Variants in TRABD2B observed in about 807,000 individuals in gnomAD.
TRABD2B encodes TraB domain containing 2B.
In TRABD2B, 14 loss-of-function variants were observed where a neutral mutation model predicts 40.1. The observed-to-expected ratio is 0.35, with a 90% confidence interval of 0.23 to 0.55. The LOEUF (loss-of-function observed/expected upper bound fraction) is 0.55. TRABD2B is among the 20% of genes least tolerant of loss of function. TRABD2B has a pLI of 0.90. For missense variants in TRABD2B, 541 were observed against 648.6 expected (o/e 0.83, Z 1.80); for synonymous variants, 263 against 277.0 (o/e 0.95, Z 0.50).
intron 2 of TRABD2B, among the ~76,000 whole-genome samples, chr1:47,984,862 C>CCTCT (rs1553172557): frequency 6.6e-6 from 1 of 151,632 alleles, no homozygotes; most frequent in Non-Finnish European, 1.5e-5. Context: ...GATGCTGTGT[C>CCTCT]CCCTACCAAG....
intron 2 of TRABD2B, among the ~76,000 whole-genome samples, chr1:47,974,255 T>C (rs1285607954): frequency 6.6e-6 from 1 of 152,134 alleles, no homozygotes. Context: ...CTGACATGCA[T>C]GTCCTGTACA....
intron 2 of TRABD2B, among the ~76,000 whole-genome samples, chr1:47,858,282 G>A (rs1643918440): frequency 6.9e-6 from 1 of 145,956 alleles, no homozygotes; most frequent in South Asian, 2.2e-4. Context: ...TTTTGAGACA[G>A]GGTCTTGCTC....
chr1:47,846,896 A>ACACACACACACACAC (rs1557610238), intron 2 of TRABD2B, among the ~76,000 whole-genome samples: 6 of 148,342 alleles, frequency 4.0e-5, no homozygotes, highest in South Asian at 2.2e-4. Context: ...ACACACACAC[A>ACACACACACACACAC]AATGAGGGCT....
At chr1:47,795,639 G>T in intron 3 of TRABD2B, 1 of 984,942 alleles carries the variant, frequency 1.0e-6, no homozygotes, top group Non-Finnish European at 1.2e-6. Context: ...GATTCAATAA[G>T]AGGATGGGGG....
intron 2 of TRABD2B, among the ~76,000 whole-genome samples, chr1:47,907,804 G>A (rs1172220214): frequency 1.3e-5 from 2 of 152,178 alleles, no homozygotes; most frequent in Non-Finnish European, 2.9e-5. Context: ...TGTAATAACT[G>A]ATTGAAAGAA....
chr1:47,956,661 G>A (rs1353426500), intron 2 of TRABD2B, among the ~76,000 whole-genome samples: 2 of 152,238 alleles, frequency 1.3e-5, no homozygotes, highest in Non-Finnish European at 2.9e-5. Context: ...CTGGCGGAGG[G>A]GCGCCCGCCA....
intron 2 of TRABD2B, among the ~76,000 whole-genome samples, chr1:47,945,955 T>C (rs11577166): frequency 0.023 from 3,557 of 152,306 alleles, 108 homozygotes; most frequent in Admixed American, 0.09. Context: ...TTTAATGTTA[T>C]AAAAACTGCA....
At chr1:47,831,154 T>C (rs1645242920) in intron 2 of TRABD2B, among the ~76,000 whole-genome samples, 2 of 152,080 alleles carry the variant, frequency 1.3e-5, no homozygotes, top group African/African-American at 2.4e-5. Context: ...TGCCTATGCT[T>C]TTCCCTCTAA....
chr1:47,783,717 C>T (rs1357363350), intron 4 of TRABD2B, among the ~76,000 whole-genome samples: 6 of 152,228 alleles, frequency 3.9e-5, no homozygotes, highest in Non-Finnish European at 7.3e-5. Flanking sequence ...TTCTCCTAAG[C>T]GCAATCTAGC....
At chr1:47,876,558 C>T (rs1016569481) in intron 2 of TRABD2B, among the ~76,000 whole-genome samples, 1 of 152,202 alleles carries the variant, frequency 6.6e-6, no homozygotes, top group Non-Finnish European at 1.5e-5. Context: ...GCTAGGAAAT[C>T]CCCGCAACTT....
intron 4 of TRABD2B, among the ~76,000 whole-genome samples, chr1:47,785,996 T>C (rs1644590969): frequency 6.6e-6 from 1 of 152,174 alleles, no homozygotes; most frequent in South Asian, 2.1e-4. Context: ...TACTGTCTCC[T>C]GTGTGGGAGT....
At chr1:47,878,224 G>A (rs1283347781) in intron 2 of TRABD2B, among the ~76,000 whole-genome samples, 1 of 152,132 alleles carries the variant, frequency 6.6e-6, no homozygotes, top group Non-Finnish European at 1.5e-5. Context: ...GCTGAGGCAG[G>A]AGAATTGCTT....
intron 3 of TRABD2B, among the ~76,000 whole-genome samples, chr1:47,796,112 C>T (rs904552402): frequency 6.6e-6 from 1 of 152,184 alleles, no homozygotes; most frequent in Non-Finnish European, 1.5e-5. Context: ...CTTCTATTCC[C>T]AACATTTTGT....
chr1:47,793,773 C>G (rs1644707473), intron 4 of TRABD2B, among the ~76,000 whole-genome samples: 1 of 152,120 alleles, frequency 6.6e-6, no homozygotes, highest in Non-Finnish European at 1.5e-5. Context: ...CTGGCAGGGA[C>G]AGCCATATAG....
chr1:47,987,639 A>C (rs780363704), intron 2 of TRABD2B, among the ~76,000 whole-genome samples: 13 of 152,330 alleles, frequency 8.5e-5, no homozygotes, highest in Non-Finnish European at 1.8e-4. Flanking sequence ...CGAATGAACC[A>C]GGTCATGGAG....
At chr1:47,879,147 ACGAC>A (rs1175023437) in intron 2 of TRABD2B, among the ~76,000 whole-genome samples, 3 of 152,118 alleles carry the variant, frequency 2.0e-5, no homozygotes, top group African/African-American at 7.2e-5. Flanking sequence ...TGATGATAGT[ACGAC>A]ATGTAGGAAG....
chr1:47,839,576 A>G (rs1645367162), intron 2 of TRABD2B, among the ~76,000 whole-genome samples: 1 of 152,188 alleles, frequency 6.6e-6, no homozygotes, highest in African/African-American at 2.4e-5. Flanking sequence ...CTGCAGCCAG[A>G]GGGAATTTAT....
At position 47,955,186 on chromosome 1, in the gene TRABD2B, T is replaced by C. The variant is rs192062248; in HGVS notation, c.666+38848A>G. Among the ~76,000 whole-genome samples, 14 of 152,150 alleles carry C rather than the reference T, an allele frequency of 9.2e-5. No individual in the cohort carries two copies. The East Asian group carries it at 2.5e-3, about 27-fold the overall frequency. On this transcript the variant is annotated intron_variant, in intron 2 of 6. Transcript: ENST00000606738. ...TTTCCTTCATGACATTTCTCCCATC[T>C]CTCCTTTCCTCAGTTTCTACTGCCT...
chr1:47,829,737 C>T (rs186499863), intron 2 of TRABD2B, among the ~76,000 whole-genome samples: 60 of 152,296 alleles, frequency 3.9e-4, no homozygotes, highest in African/African-American at 1.3e-3. Flanking sequence ...AATGACTTCC[C>T]GTGAATAAAT....
Sources: gnomAD v4.1 joint callset for allele counts (sites outside exome capture counted in the v4.1 genomes callset) on GRCh38, gnomAD v4.1.1 for gene constraint, MANE v1.5 for transcripts, NCBI Gene and HGNC (gene_info 2026-07-23, HGNC 2026-07-21) for gene names.